KIAA1328: variants seen among roughly 807,000 people sequenced by gnomAD.
KIAA1328 encodes the protein KIAA1328, also known as protein hinderin.
A neutral mutation model predicts 68.1 loss-of-function variants in KIAA1328; 52 were observed. That is an observed-to-expected ratio of 0.76 (90% confidence interval 0.61 to 0.96). The LOEUF (loss-of-function observed/expected upper bound fraction) is 0.96. Ranked by LOEUF, KIAA1328 falls within the 40% of genes least tolerant of loss-of-function variation. The pLI is 0.00. For missense variants in KIAA1328, 641 were observed against 677.6 expected (o/e 0.95, Z 0.60); for synonymous variants, 232 against 239.4 (o/e 0.97, Z 0.28).
intron 6 of KIAA1328, among the ~76,000 whole-genome samples, chr18:37,043,240 C>T (rs1398240071): frequency 6.6e-6 from 1 of 152,154 alleles, no homozygotes; most frequent in Non-Finnish European, 1.5e-5. Context: ...TATTTGGGCT[C>T]CCTCAGAAAC....
intron 4 of KIAA1328, among the ~76,000 whole-genome samples, chr18:36,877,114 A>T (rs2048153988): frequency 6.6e-6 from 1 of 152,188 alleles, no homozygotes; most frequent in Admixed American, 6.5e-5. Context: ...TCAATTTTAG[A>T]ATAAATGCTA....
chr18:37,096,628 T>C (rs1270101764), intron 7 of KIAA1328, among the ~76,000 whole-genome samples: 1 of 152,222 alleles, frequency 6.6e-6, no homozygotes, highest in Non-Finnish European at 1.5e-5. Flanking sequence ...GTATTTCTAG[T>C]TCGAGATCCC....
At chr18:37,044,570 G>A (rs948716932) in intron 6 of KIAA1328, among the ~76,000 whole-genome samples, 3 of 152,132 alleles carry the variant, frequency 2.0e-5, no homozygotes, top group African/African-American at 7.2e-5. Flanking sequence ...GGCCAAGGCA[G>A]GTGGATCAAC....
intron 6 of KIAA1328, among the ~76,000 whole-genome samples, chr18:37,007,653 C>A (rs2053830561): frequency 6.6e-6 from 1 of 152,036 alleles, no homozygotes; most frequent in Non-Finnish European, 1.5e-5. Context: ...TAAAATTAGA[C>A]AAGTTTCTAA....
In KIAA1328 at chr18:37,067,461, G is replaced by A. The variant is rs201864375; in HGVS notation, c.1148G>A (p.Arg383His). 3.4e-5 allele frequency: 54 copies of A among 1,568,094 alleles called. No individual in the cohort carries two copies. The highest frequency in any genetic ancestry group is 2.8e-4 in the African/African-American group (21 of 73,846). The change falls in exon 7 of 10, where the codon CGC becomes CAC. Residue 383 changes from arginine to histidine, a missense_variant. By Grantham distance (29) the Arg-to-His change is conservative. Transcript: ENST00000280020. Reference protein sequence around the residue: ...QKMELEIEKERLQHLLAQQET... With the variant: ...QKMELEIEKEHLQHLLAQQET... Reference sequence around the variant, plus strand: ...ATGGAACTGGAAATTGAAAAGGAGCGCCTTCAGCATCTGCTGGCCCAGCAG... The same window carrying A: ...ATGGAACTGGAAATTGAAAAGGAGCACCTTCAGCATCTGCTGGCCCAGCAG...
chr18:37,162,067 A>G (rs2059291754), intron 8 of KIAA1328, among the ~76,000 whole-genome samples: 1 of 152,238 alleles, frequency 6.6e-6, no homozygotes, highest in African/African-American at 2.4e-5. Context: ...TTTTTGCTGT[A>G]TAGTCTGCTG....
chr18:36,915,552 C>T (rs530311672), intron 5 of KIAA1328, among the ~76,000 whole-genome samples: 5 of 152,172 alleles, frequency 3.3e-5, no homozygotes, highest in Non-Finnish European at 7.4e-5. Flanking sequence ...CATAGTACGG[C>T]AATAAACACA....
At chr18:37,117,217 A>C (rs2058135764) in intron 7 of KIAA1328, among the ~76,000 whole-genome samples, 1 of 152,222 alleles carries the variant, frequency 6.6e-6, no homozygotes, top group Non-Finnish European at 1.5e-5. Context: ...GGCACTATTC[A>C]CAATAGCAAA....
At chr18:36,842,250 C>T (rs545936740) in intron 3 of KIAA1328, among the ~76,000 whole-genome samples, 74 of 152,228 alleles carry the variant, frequency 4.9e-4, no homozygotes, top group Non-Finnish European at 9.0e-4. Context: ...GGGACACCAA[C>T]CCGGCTGGTA....
chr18:36,917,319 G>A (rs2049747357), intron 5 of KIAA1328, among the ~76,000 whole-genome samples: 1 of 152,094 alleles, frequency 6.6e-6, no homozygotes, highest in Admixed American at 6.6e-5. Flanking sequence ...GGCAGCTCAA[G>A]CAATCCTCCT....
intron 6 of KIAA1328, chr18:37,063,559 G>A (rs999192646): frequency 1.3e-6 from 1 of 783,340 alleles, no homozygotes; most frequent in Non-Finnish European, 1.5e-6. Context: ...AATAAAAGTT[G>A]CGTACACTAG....
chr18:37,084,595 CTG>C (rs35268290), intron 7 of KIAA1328, among the ~76,000 whole-genome samples: 40,142 of 150,068 alleles, frequency 0.27, 8,362 homozygotes, highest in African/African-American at 0.59. Flanking sequence ...ATTAAATACT[CTG>C]TGAAAACATT....
intron 7 of KIAA1328, among the ~76,000 whole-genome samples, chr18:37,128,696 C>T (rs915342983): frequency 6.6e-6 from 1 of 152,166 alleles, no homozygotes; most frequent in African/African-American, 2.4e-5. Context: ...AAGACCTGTA[C>T]ATGAATATTC....
intron 7 of KIAA1328, among the ~76,000 whole-genome samples, chr18:37,078,933 A>G (rs1480518107): frequency 5.3e-5 from 8 of 151,924 alleles, no homozygotes; most frequent in African/African-American, 7.3e-5. Context: ...GATTCCTCAG[A>G]GATCTAGAAC....
intron 7 of KIAA1328, among the ~76,000 whole-genome samples, chr18:37,085,263 A>G (rs1269568555): frequency 1.3e-5 from 2 of 152,088 alleles, no homozygotes; most frequent in Non-Finnish European, 2.9e-5. Context: ...GGTGGGCCTG[A>G]TGTTAGCGTC....
chr18:37,177,359 A>C (rs576313014), intron 9 of KIAA1328, among the ~76,000 whole-genome samples: 1 of 152,332 alleles, frequency 6.6e-6, no homozygotes, highest in South Asian at 2.1e-4. Context: ...CCTGATAAGC[A>C]GAGGCACACC....
intron 5 of KIAA1328, among the ~76,000 whole-genome samples, chr18:36,917,436 G>A (rs540710711): frequency 2.0e-5 from 3 of 152,026 alleles, no homozygotes; most frequent in Non-Finnish European, 2.9e-5. Flanking sequence ...TGCTCAGGTC[G>A]GTCTTGAACT....
chr18:36,898,519 G>A (rs1397659632), intron 5 of KIAA1328, among the ~76,000 whole-genome samples: 1 of 151,938 alleles, frequency 6.6e-6, no homozygotes, highest in African/African-American at 2.4e-5. Flanking sequence ...ACTTGAGAAT[G>A]TTTTATGAAA....
chr18:37,138,828 T>C (rs2058701163), intron 7 of KIAA1328, among the ~76,000 whole-genome samples: 1 of 152,080 alleles, frequency 6.6e-6, no homozygotes, highest in Non-Finnish European at 1.5e-5. Context: ...AACCGACACA[T>C]AGTAGGCTGT....
Sources: gnomAD v4.1 joint callset for allele counts (sites outside exome capture counted in the v4.1 genomes callset) on GRCh38, gnomAD v4.1.1 for gene constraint, MANE v1.5 for transcripts, NCBI Gene and HGNC (gene_info 2026-07-23, HGNC 2026-07-21) for gene names.